Variants in ARID3A observed in about 807,000 individuals in gnomAD.
ARID3A encodes the protein AT-rich interactive domain-containing protein 3A.
Under a neutral mutation model 52.7 loss-of-function variants are expected in ARID3A, and 11 were observed. The observed-to-expected ratio is 0.21, with a 90% CI of 0.13 to 0.35. The LOEUF (loss-of-function observed/expected upper bound fraction) is 0.35, where lower values mean the gene tolerates loss of function less well. Among genes scored for constraint, ARID3A ranks in the 10% least tolerant of loss-of-function variants. The pLI is 1.00. For missense variants in ARID3A, 721 were observed against 838.5 expected, an observed-to-expected ratio of 0.86 and a Z score of 1.73; for synonymous variants, 404 against 359.4, an observed-to-expected ratio of 1.12 and a Z score of -1.40.
At chr19:954,232 G>A (rs1296511759) in intron 3 of ARID3A, among the ~76,000 whole-genome samples, 2 of 152,196 alleles carry the variant, frequency 1.3e-5, no homozygotes, top group South Asian at 2.1e-4. Context: ...AGGGGCGGCC[G>A]GGGGACCTGG....
chr19:972,801 C>CAAAAAAAAAAAAAA lies in ARID3A; in HGVS notation c.*753_*766dup, dbSNP rs57620894. ...GTCTTGAAAAAGCAAGAAAAAAAAG[C>CAAAAAAAAAAAAAA]AAAAAAAAAAAAAAAAAAAAAAAAA... On this transcript the variant is annotated 3_prime_UTR_variant, in exon 9 of 9. Transcript: ENST00000263620. The CAAAAAAAAAAAAAA allele has an allele frequency of 1.2e-4, 9 of 75,926 alleles. No individual in the cohort carries two copies. The highest frequency in any genetic ancestry group is 6.3e-4 in the East Asian group (3 of 4,734). 4.7% of individuals were successfully genotyped at this position (75,926 alleles called of 1,614,324 possible).
rs2038337396 is a variant in ARID3A at position 974,234 on chromosome 19, A to C, written c.*2169A>C. 4.4e-6 allele frequency: 1 copy of C among 225,092 alleles called. No homozygotes were observed. Among genetic ancestry groups the C allele is most frequent in the South Asian group, 1.8e-4 (1 of 5,420 alleles). 13.9% of individuals were successfully genotyped at this position (225,092 alleles called of 1,614,324 possible). Reference sequence around the variant, plus strand: ...CTGTCACTTTCCTGTGTCTTTGGGGAGGGGACCCCCACTTCCTTCTCGGAT... The same window carrying C: ...CTGTCACTTTCCTGTGTCTTTGGGGCGGGGACCCCCACTTCCTTCTCGGAT... On this transcript the variant is annotated 3_prime_UTR_variant, in exon 9 of 9. Coordinates refer to ENST00000263620, the MANE Select transcript of ARID3A (RefSeq NM_005224.3).
rs1193688707 is a variant in ARID3A at position 938,530 on chromosome 19, G to T, written c.693+5788G>T. On this transcript the variant is annotated intron_variant, in intron 3 of 8. Transcript: ENST00000263620. This position sits in a 1 kb window ranked among gnomAD's most constrained non-coding sequence, Gnocchi z 4.0. ...CACCTGCCAGAGAGGACCCAGCGGT[G>T]TGTGGATGGATGGCCCAGGGAGCTG... Among the ~76,000 whole-genome samples the T allele has an allele frequency of 3.3e-5, 5 of 152,264 alleles. No individual in the cohort carries two copies. Among genetic ancestry groups the T allele is most frequent in the Non-Finnish European group, 5.9e-5 (4 of 68,052 alleles).
At chr19:962,195 C>T (rs552494966) in intron 4 of ARID3A, among the ~76,000 whole-genome samples, 2 of 152,292 alleles carry the variant, frequency 1.3e-5, no homozygotes, top group South Asian at 4.1e-4. Context: ...CTAGACTTCA[C>T]AATCTTCCTC....
intron 4 of ARID3A, among the ~76,000 whole-genome samples, chr19:961,444 C>A (rs532648751): frequency 6.6e-6 from 1 of 152,304 alleles, no homozygotes; most frequent in African/African-American, 2.4e-5. Context: ...CCAGGCTTGA[C>A]CAGGGCCCAC....
rs554325122 is a variant in ARID3A, at chr19:969,786, C to T, written c.1594+1283C>T. On this transcript the variant is annotated intron_variant, in intron 8 of 8. Coordinates refer to ENST00000263620, the MANE Select transcript of ARID3A (RefSeq NM_005224.3). ...CACTGCAACCTGTGCCTCCTGGGTT[C>T]GAGCGATTCTCCTGCCTCAGCCTCC... is the stretch of plus-strand genomic sequence containing the variant. 1.5e-3 allele frequency among the ~76,000 whole-genome samples: 223 copies of T among 149,972 alleles called. 3 individuals are homozygous for T. Among genetic ancestry groups the T allele is most frequent in the African/African-American group, 5.2e-3 (214 of 40,942 alleles).
rs562446564 is a variant in ARID3A, at chr19:931,221, G to A, written c.369-1197G>A. Among the ~76,000 whole-genome samples the A allele has an allele frequency of 2.0e-5, 3 of 152,146 alleles. No individual in the cohort carries two copies. The South Asian group carries it at 6.2e-4, about 32-fold the overall frequency. ...AGGCGGAAGGACTGCTTGAGCTCAG[G>A]AGGTCAAGACTGCACTGAGCTGTGA... On this transcript the variant is annotated intron_variant, in intron 2 of 8. Coordinates refer to ENST00000263620, the MANE Select transcript of ARID3A (RefSeq NM_005224.3).
chr19:955,391 C>T (rs888584377), intron 3 of ARID3A, among the ~76,000 whole-genome samples: 1 of 152,322 alleles, frequency 6.6e-6, no homozygotes, highest in East Asian at 1.9e-4. Context: ...CTGGGGCCCC[C>T]GCAGGTCCTC....
At chr19:940,415 G>A (rs1356451126) in intron 3 of ARID3A, among the ~76,000 whole-genome samples, 1 of 152,042 alleles carries the variant, frequency 6.6e-6, no homozygotes, top group Non-Finnish European at 1.5e-5. Flanking sequence ...AGCAGGAGGG[G>A]TGGGCAGAGC....
chr19:939,705 CT>C (rs774779795), intron 3 of ARID3A, among the ~76,000 whole-genome samples: 2 of 152,262 alleles, frequency 1.3e-5, no homozygotes, highest in East Asian at 3.9e-4. Context: ...CCACCTGGTT[CT>C]TTTCAGCTGT....
At position 963,444 on chromosome 19, in the gene ARID3A, G is replaced by T. The variant is rs540741490; in HGVS notation, c.767-804G>T. Among the ~76,000 whole-genome samples the T allele has an allele frequency of 3.3e-3, 499 of 152,342 alleles. 1 individual carries two copies. Among genetic ancestry groups the T allele is most frequent in the Non-Finnish European group, 6.3e-3 (431 of 68,022 alleles). On this transcript the variant is annotated intron_variant, in intron 4 of 8. Coordinates refer to ENST00000263620, the MANE Select transcript of ARID3A (RefSeq NM_005224.3). ...TGGGTCTTGCCTACTGTCAGGCCAG[G>T]GAGGGGCTGGGCAGAGGTGGAGCTG... is the stretch of plus-strand genomic sequence containing the variant.
Position 929,827 on chromosome 19 carries a change from G to A in ARID3A, c.299G>A (p.Gly100Asp). The change falls in exon 2 of 9, where the codon GGC becomes GAC. Residue 100 changes from glycine to aspartate, a missense_variant. Coordinates refer to ENST00000263620, the MANE Select transcript of ARID3A (RefSeq NM_005224.3). This position sits in a 1 kb window ranked among gnomAD's most constrained non-coding sequence, Gnocchi z 6.2. ...EEDAAREGTP[G>D]SPGRGREGPG... ...GACGCGGCCCGGGAGGGGACACCGG[G>A]CTCACCCGGGCGAGGCAGAGAAGGG... The A allele has an allele frequency of 6.5e-7, 1 of 1,545,256 alleles. No homozygotes were observed.
intron 8 of ARID3A, among the ~76,000 whole-genome samples, chr19:971,635 A>T (rs1472687510): frequency 6.6e-6 from 1 of 152,028 alleles, no homozygotes; most frequent in African/African-American, 2.4e-5. Context: ...AAAAAATAAA[A>T]AATTAGCCAG....
In ARID3A at chr19:947,337, G is replaced by C. The variant is rs1306946172; in HGVS notation, c.694-12755G>C. On this transcript the variant is annotated intron_variant, in intron 3 of 8. Transcript: ENST00000263620. This position sits in a 1 kb window ranked among gnomAD's most constrained non-coding sequence, Gnocchi z 6.3. Reference sequence around the variant, plus strand: ...TTCCACGTCATATCTCGCCGCCATGGGGCTGCCTCCTGCCTCCTCTGCACC... The same window carrying C: ...TTCCACGTCATATCTCGCCGCCATGCGGCTGCCTCCTGCCTCCTCTGCACC... Among the ~76,000 whole-genome samples the C allele has an allele frequency of 6.6e-6, 1 of 152,124 alleles. No individual in the cohort carries two copies. Among genetic ancestry groups the C allele is most frequent in the Non-Finnish European group, 1.5e-5 (1 of 68,012 alleles).
At position 929,477 on chromosome 19, in the gene ARID3A, C is replaced by T. The variant is rs1049876600; in HGVS notation, c.-52C>T. ...GGCCGCCCCCGCCGCCCACCCCTAG[C>T]GCCCGTGGTGGTGGTGGTGGTGGTG... On this transcript the variant is annotated 5_prime_UTR_variant, in exon 2 of 9. Transcript: ENST00000263620. The surrounding 1 kb of genome is among the most constrained non-coding windows in gnomAD (Gnocchi z 6.2). 4.8e-5 allele frequency: 71 copies of T among 1,470,046 alleles called. No homozygotes were observed. Among genetic ancestry groups the T allele is most frequent in the East Asian group, 8.7e-5 (3 of 34,590 alleles). The allele number at this position is 1,470,046 out of a possible 1,614,324, so 91.1% of individuals were successfully genotyped here.
chr19:965,211 C>A (rs182288501), intron 6 of ARID3A, 131 bp downstream of exon 6: 300 of 1,090,434 alleles, frequency 2.8e-4, no homozygotes, highest in Admixed American at 8.2e-4. Context: ...TGGAAAAGGG[C>A]TTCCAATCTA....
chr19:945,593 C>T (rs2037660658), intron 3 of ARID3A, among the ~76,000 whole-genome samples: 2 of 152,178 alleles, frequency 1.3e-5, no homozygotes, highest in Non-Finnish European at 2.9e-5. Context: ...GGCAGAAGCT[C>T]CGGCCAGGTG....
Position 929,413 on chromosome 19 carries a change from C to T in ARID3A, c.-116C>T. 8.9e-7 allele frequency: 1 copy of T among 1,129,024 alleles called. No individual in the cohort carries two copies. Among genetic ancestry groups the T allele is most frequent in the South Asian group, 1.9e-5 (1 of 51,490 alleles). The allele number at this position is 1,129,024 out of a possible 1,614,324, so 69.9% of individuals were successfully genotyped here. A position where few individuals can be genotyped will look rare whatever the true frequency, so the allele number is the denominator to read the frequency against. ...CTGCACTGCCCCGGCTCCCCCGCGG[C>T]CCCCACGCTGCAGTGCGGCCGGGCC... On this transcript the variant is annotated 5_prime_UTR_variant, in exon 2 of 9. Transcript: ENST00000263620. The surrounding 1 kb of genome is among the most constrained non-coding windows in gnomAD (Gnocchi z 6.2).
intron 3 of ARID3A, among the ~76,000 whole-genome samples, chr19:946,215 T>G (rs1172333832): frequency 6.6e-6 from 1 of 152,074 alleles, no homozygotes; most frequent in Non-Finnish European, 1.5e-5. Flanking sequence ...TATTTCATTT[T>G]TATTTTTTTG....
Sources: allele counts gnomAD v4.1 joint callset (sites outside exome capture counted in the v4.1 genomes callset), GRCh38; gene constraint gnomAD v4.1.1; non-coding constraint Gnocchi (gnomAD v3.1); transcripts MANE v1.5; gene names NCBI Gene and HGNC (gene_info 2026-07-23, HGNC 2026-07-21).